The following ASTN2 variants were observed in gnomAD, a reference collection of about 807,000 sequenced individuals.
The protein encoded by ASTN2 is astrotactin 2, also known as astrotactin-2.
Under a neutral mutation model 139.8 loss-of-function variants are expected in ASTN2, and 54 were observed. That is an observed-to-expected ratio of 0.39 (90% CI 0.31 to 0.48). ASTN2 has a LOEUF of 0.48. ASTN2 is among the 20% of genes least tolerant of loss of function. ASTN2 has a pLI of 0.95. For synonymous variants in ASTN2, 756 were observed against 719.5 expected (o/e 1.05, Z -0.81); for missense variants, 1,565 against 1,725.1 (o/e 0.91, Z 1.64).
At chr9:117,267,831 C>G (rs1833970344) in intron 2 of ASTN2, among the ~76,000 whole-genome samples, 1 of 152,100 alleles carries the variant, frequency 6.6e-6, no homozygotes, top group African/African-American at 2.4e-5. Flanking sequence ...TAGTAGTTTT[C>G]AAGCCATGTT....
chr9:116,512,173 A>G (rs1207610796), intron 19 of ASTN2, among the ~76,000 whole-genome samples: 1 of 152,154 alleles, frequency 6.6e-6, no homozygotes, highest in African/African-American at 2.4e-5. Flanking sequence ...ACTGCTTTAA[A>G]TGTGTCCCAG....
chr9:117,380,491 G>A (rs1307649667), intron 1 of ASTN2, among the ~76,000 whole-genome samples: 3 of 151,626 alleles, frequency 2.0e-5, no homozygotes, highest in Non-Finnish European at 4.4e-5. Flanking sequence ...TGCAGTCCCA[G>A]CTACTCGGGA....
chr9:116,433,339 T>A (rs1847554679), intron 22 of ASTN2, among the ~76,000 whole-genome samples: 1 of 152,192 alleles, frequency 6.6e-6, no homozygotes, highest in Non-Finnish European at 1.5e-5. Context: ...GAACATAACT[T>A]ATGTATTTGT....
intron 6 of ASTN2, among the ~76,000 whole-genome samples, chr9:117,025,534 C>A (rs886960956): frequency 3.3e-5 from 5 of 152,082 alleles, no homozygotes; most frequent in East Asian, 3.9e-4. Context: ...GGCCCTGGAA[C>A]CTTGAAACTC....
intron 13 of ASTN2, among the ~76,000 whole-genome samples, chr9:116,741,655 G>T (rs138366144): frequency 6.6e-6 from 1 of 152,300 alleles, no homozygotes; most frequent in Non-Finnish European, 1.5e-5. Flanking sequence ...GAACTGAGAA[G>T]AATGGGCTGG....
intron 1 of ASTN2, among the ~76,000 whole-genome samples, chr9:117,341,664 A>G (rs1167929712): frequency 6.6e-6 from 1 of 152,128 alleles, no homozygotes; most frequent in Non-Finnish European, 1.5e-5. Flanking sequence ...CATGAAAAGG[A>G]AAGTGTAAAG....
intron 19 of ASTN2, among the ~76,000 whole-genome samples, chr9:116,528,834 C>T (rs144261118): frequency 0.014 from 2,102 of 152,306 alleles, 25 homozygotes; most frequent in Non-Finnish European, 0.023. Flanking sequence ...GCAAGCCCCA[C>T]GTCTTGGTGG....
At chr9:117,131,650 C>A (rs893835669) in intron 4 of ASTN2, among the ~76,000 whole-genome samples, 5 of 152,138 alleles carry the variant, frequency 3.3e-5, no homozygotes, top group African/African-American at 9.7e-5. Context: ...ATAACAAGAA[C>A]CTTGGCATCT....
chr9:117,017,006 T>TA (rs1180359095), intron 6 of ASTN2, among the ~76,000 whole-genome samples: 1 of 151,712 alleles, frequency 6.6e-6, no homozygotes, highest in East Asian at 1.9e-4. Context: ...TGCATGCCTT[T>TA]ATGTATCTAC....
intron 16 of ASTN2, among the ~76,000 whole-genome samples, chr9:116,713,826 C>T (rs1317056319): frequency 5.3e-5 from 8 of 152,060 alleles, no homozygotes; most frequent in African/African-American, 1.4e-4. Context: ...TGAAATTGTG[C>T]ATGTGAAATG....
chr9:116,649,528 C>T (rs1331734457), intron 17 of ASTN2, among the ~76,000 whole-genome samples: 10 of 149,454 alleles, frequency 6.7e-5, no homozygotes, highest in African/African-American at 2.2e-4. Context: ...GAGCTGAGAT[C>T]GCGCCATTGC....
intron 3 of ASTN2, among the ~76,000 whole-genome samples, chr9:117,197,926 A>T (rs2132982826): frequency 6.6e-6 from 1 of 152,262 alleles, no homozygotes; most frequent in Non-Finnish European, 1.5e-5. Flanking sequence ...GCTAATGAAA[A>T]ATTAGTTGTA....
chr9:117,171,807 T>C (rs1269092969), intron 3 of ASTN2, among the ~76,000 whole-genome samples: 1 of 152,158 alleles, frequency 6.6e-6, no homozygotes, highest in Non-Finnish European at 1.5e-5. Flanking sequence ...ATTAAACCTC[T>C]TTCCTTTATA....
intron 1 of ASTN2, among the ~76,000 whole-genome samples, chr9:117,350,894 G>A (rs966815494): frequency 3.9e-5 from 6 of 152,204 alleles, no homozygotes; most frequent in Non-Finnish European, 5.9e-5. Flanking sequence ...GTCACAAAGT[G>A]GAGATAACAG....
intron 16 of ASTN2, among the ~76,000 whole-genome samples, chr9:116,704,925 C>T (rs1359850774): frequency 6.6e-6 from 1 of 152,058 alleles, no homozygotes; most frequent in Non-Finnish European, 1.5e-5. Context: ...TAAGTATATA[C>T]ACACACGCAC....
At chr9:117,392,871 T>G (rs1360688515) in intron 1 of ASTN2, among the ~76,000 whole-genome samples, 1 of 152,062 alleles carries the variant, frequency 6.6e-6, no homozygotes, top group African/African-American at 2.4e-5. Context: ...AAAAAGAGCT[T>G]TGCAAAACAG....
chr9:116,726,368 T>C (rs1828624787), intron 15 of ASTN2, among the ~76,000 whole-genome samples: 2 of 152,278 alleles, frequency 1.3e-5, no homozygotes, highest in South Asian at 4.1e-4. Flanking sequence ...CAACACCCAT[T>C]GTATAATGAG....
chr9:116,514,046 G>C (rs1295835510), intron 19 of ASTN2, among the ~76,000 whole-genome samples: 1 of 151,878 alleles, frequency 6.6e-6, no homozygotes, highest in Non-Finnish European at 1.5e-5. Context: ...CTGGTGAGGA[G>C]CTGCGTTCCT....
chr9:117,137,021 T>C (rs1446722062), intron 4 of ASTN2, among the ~76,000 whole-genome samples: 1 of 144,402 alleles, frequency 6.9e-6, no homozygotes, highest in Non-Finnish European at 1.6e-5. Context: ...CTATGGAATT[T>C]CTTCTGTACA....
Sources: gnomAD v4.1 joint callset for allele counts (sites outside exome capture counted in the v4.1 genomes callset) on GRCh38, gnomAD v4.1.1 for gene constraint, MANE v1.5 for transcripts, NCBI Gene and HGNC (gene_info 2026-07-23, HGNC 2026-07-21) for gene names.